TRIM69: variants seen among roughly 807,000 people sequenced by gnomAD.
TRIM69 encodes E3 ubiquitin-protein ligase TRIM69.
In TRIM69, 29 loss-of-function variants were observed where a neutral mutation model predicts 37.7. The ratio of observed to expected loss-of-function variants is 0.77; its 90% confidence interval spans 0.57 to 1.05. TRIM69 has a LOEUF of 1.05. Ranked by LOEUF, TRIM69 falls within the 50% of genes least tolerant of loss-of-function variation. The probability of loss-of-function intolerance (pLI) is 0.00; values close to 1 mark genes in which losing one functional copy is unlikely to be tolerated. For synonymous variants in TRIM69, 209 were observed against 212.4 expected, an observed-to-expected ratio of 0.98 and a Z score of 0.14; for missense variants, 596 against 579.9, an observed-to-expected ratio of 1.03 and a Z score of -0.28.
chr15:44,751,058 T>C (rs1173980074), intron 1 of TRIM69, among the ~76,000 whole-genome samples: 3 of 147,664 alleles, frequency 2.0e-5, no homozygotes, highest in African/African-American at 7.5e-5. Flanking sequence ...CAGGCTCACG[T>C]GATTCTCCCA....
intron 1 of TRIM69, among the ~76,000 whole-genome samples, chr15:44,740,962 G>A (rs528696903): frequency 1.8e-4 from 28 of 151,942 alleles, no homozygotes; most frequent in Admixed American, 5.2e-4. Context: ...TGCACCAAGC[G>A]GACCTAATAG....
chr15:44,745,860 G>A (rs2087395694), intron 1 of TRIM69, among the ~76,000 whole-genome samples: 1 of 151,978 alleles, frequency 6.6e-6, no homozygotes, highest in South Asian at 2.1e-4. Context: ...TGAAGATCAG[G>A]GAAAAAAAAG....
intron 1 of TRIM69, among the ~76,000 whole-genome samples, chr15:44,744,144 A>G (rs1166632308): frequency 2.0e-5 from 3 of 151,646 alleles, no homozygotes; most frequent in Non-Finnish European, 4.4e-5. Flanking sequence ...TGATGAGTTC[A>G]TGTCCTTTTT....
In TRIM69 at chr15:44,754,956, T is replaced by C. The variant is rs761578178; in HGVS notation, c.63T>C (p.Asp21=). ...CAGGCGACTATGTTGAAATGAATGA[T>C]TCAATCACCCACCTACCCTCTAAAG... The part of the protein sequence containing the change: ...IDPGDYVEMN[D]SITHLPSKVV... Residue 21 remains aspartate, a synonymous_variant, in exon 2 of 7, where the codon GAT becomes GAC. Transcript: ENST00000329464. 1.9e-6 allele frequency: 3 copies of C among 1,614,218 alleles called. No individual in the cohort carries two copies. The highest frequency in any genetic ancestry group is 1.1e-5 in the South Asian group (1 of 91,078).
Position 44,736,672 on chromosome 15 carries a change from G to GCCTGATT in TRIM69, c.-29_-28insATTCCTG. ...GGGCCTGCTGAGCTCTGATTCAAGT[G>GCCTGATT]CCTGCCTCTGCCCCTTGGTGGGCTG... On this transcript the variant is annotated 5_prime_UTR_variant, in exon 1 of 7. Transcript: ENST00000329464. 2 of 1,610,546 alleles carry GCCTGATT rather than the reference G, an allele frequency of 1.2e-6. No homozygotes were observed. Among genetic ancestry groups the GCCTGATT allele is most frequent in the Non-Finnish European group, 1.7e-6 (2 of 1,178,672 alleles).
chr15:44,759,580 A>G (rs2087728880), intron 4 of TRIM69, 60 bp from the exon 5 acceptor site: 1 of 1,590,904 alleles, frequency 6.3e-7, no homozygotes, highest in African/African-American at 1.3e-5. Context: ...TGGTATCACC[A>G]AAGAAATTTT....
Position 44,767,486 on chromosome 15 carries a change from C to T in TRIM69, c.1217C>T (p.Pro406Leu). The change falls in exon 7 of 7, where the codon CCT becomes CTT. Residue 406 changes from proline (P) to leucine (L), a missense_variant. Transcript: ENST00000329464. ...RESIIRKGSC[P>L]LTPEQGFWLL... ...TCCATCATTCGGAAGGGCAGCTGTCCTCTAACTCCTGAGCAAGGATTCTGG... is the reference window on the plus strand; with the variant it reads ...TCCATCATTCGGAAGGGCAGCTGTCTTCTAACTCCTGAGCAAGGATTCTGG... 6.2e-7 allele frequency: 1 copy of T among 1,614,168 alleles called. No homozygotes were observed. Among genetic ancestry groups the T allele is most frequent in the Non-Finnish European group, 8.5e-7 (1 of 1,180,028 alleles).
At chr15:44,759,927 G>T (rs910017204) in intron 6 of TRIM69, 55 bp downstream of exon 6, 2 of 1,569,908 alleles carry the variant, frequency 1.3e-6, no homozygotes, top group African/African-American at 2.7e-5. Context: ...CGTTTAATCT[G>T]TGGGACTTCT....
At chr15:44,748,482 G>T (rs529524245) in intron 1 of TRIM69, among the ~76,000 whole-genome samples, 1 of 152,234 alleles carries the variant, frequency 6.6e-6, no homozygotes, top group East Asian at 1.9e-4. Context: ...GCCCACCCTG[G>T]AAGGCATTAT....
At chr15:44,743,053 G>A (rs1023851550) in intron 1 of TRIM69, among the ~76,000 whole-genome samples, 28 of 152,142 alleles carry the variant, frequency 1.8e-4, no homozygotes, top group Admixed American at 7.2e-4. Flanking sequence ...CATGCTACCT[G>A]ACTTCAAACT....
At chr15:44,753,829 C>G (rs2141136801) in intron 1 of TRIM69, 1 of 152,218 alleles carries the variant, frequency 6.6e-6, no homozygotes, top group East Asian at 1.9e-4. Flanking sequence ...ATTCTCCTGT[C>G]TCAACCTCCC....
chr15:44,743,762 A>G (rs1036785666), intron 1 of TRIM69, among the ~76,000 whole-genome samples: 1 of 152,222 alleles, frequency 6.6e-6, no homozygotes. Flanking sequence ...ATGAGATACC[A>G]TCTCACACCA....
At chr15:44,747,108 A>C (rs958563692) in intron 1 of TRIM69, among the ~76,000 whole-genome samples, 1 of 152,202 alleles carries the variant, frequency 6.6e-6, no homozygotes, top group African/African-American at 2.4e-5. Flanking sequence ...GCCACAACCC[A>C]CAAGCCCTGG....
Position 44,761,713 on chromosome 15 carries a change from C to T in TRIM69, c.961+1841C>T, listed in dbSNP as rs144150291. ...CTCCTGGCCTTAAGTGATCCATCCA[C>T]CTCAGCCTCCTAAAGTGTTGAAATT... is the stretch of plus-strand genomic sequence containing the variant. On this transcript the variant is annotated intron_variant, in intron 6 of 6. Coordinates refer to ENST00000329464, the MANE Select transcript of TRIM69 (RefSeq NM_182985.5). Among the ~76,000 whole-genome samples, 389 of 152,334 alleles carry T rather than the reference C, an allele frequency of 2.6e-3. 7 individuals are homozygous for T. The East Asian group carries it at 0.051, about 20-fold the overall frequency.
intron 1 of TRIM69, among the ~76,000 whole-genome samples, chr15:44,748,873 C>T (rs2087463349): frequency 6.9e-6 from 1 of 144,962 alleles, no homozygotes; most frequent in Non-Finnish European, 1.5e-5. Flanking sequence ...AGTCAAATGG[C>T]TTCAGTTTAG....
intron 6 of TRIM69, among the ~76,000 whole-genome samples, chr15:44,766,199 T>C (rs936261175): frequency 6.6e-6 from 1 of 152,256 alleles, no homozygotes; most frequent in Admixed American, 6.5e-5. Context: ...AATTTTGTAA[T>C]TATTAGATTC....
At chr15:44,738,208 A>C (rs1268956246) in intron 1 of TRIM69, among the ~76,000 whole-genome samples, 1 of 148,350 alleles carries the variant, frequency 6.7e-6, no homozygotes, top group Non-Finnish European at 1.5e-5. Flanking sequence ...GCAGGGACGC[A>C]CCACCACGCC....
chr15:44,751,264 C>G (rs182876987), intron 1 of TRIM69, among the ~76,000 whole-genome samples: 5 of 151,848 alleles, frequency 3.3e-5, no homozygotes, highest in Admixed American at 6.6e-5. Context: ...TACAGGTGCT[C>G]GCTACCACGC....
chr15:44,747,871 C>T (rs990378237), intron 1 of TRIM69, among the ~76,000 whole-genome samples: 9 of 152,186 alleles, frequency 5.9e-5, no homozygotes, highest in African/African-American at 1.9e-4. Flanking sequence ...CCATGTTCCC[C>T]TGGCTAGAAT....
Sources: gnomAD v4.1 joint callset for allele counts (sites outside exome capture counted in the v4.1 genomes callset) on GRCh38, gnomAD v4.1.1 for gene constraint, MANE v1.5 for transcripts, NCBI Gene and HGNC (gene_info 2026-07-23, HGNC 2026-07-21) for gene names.